The following ST6GALNAC5 variants were observed in gnomAD, a reference collection of about 807,000 sequenced individuals.
ST6GALNAC5 encodes alpha-N-acetylgalactosaminide alpha-2,6-sialyltransferase 5.
Under a neutral mutation model 33.6 loss-of-function variants are expected in ST6GALNAC5, and 27 were observed. That is an observed-to-expected ratio of 0.80 (90% confidence interval 0.59 to 1.11). The LOEUF is 1.11. ST6GALNAC5 is among the 50% of genes least tolerant of loss of function. The pLI is 0.00. For missense variants in ST6GALNAC5, 428 were observed against 454.0 expected, an observed-to-expected ratio of 0.94 and a Z score of 0.52; for synonymous variants, 194 against 171.2, an observed-to-expected ratio of 1.13 and a Z score of -1.04.
chr1:77,011,327 G>T (rs2100424001), intron 2 of ST6GALNAC5, among the ~76,000 whole-genome samples: 1 of 152,356 alleles, frequency 6.6e-6, no homozygotes, highest in East Asian at 1.9e-4. Context: ...CTGGAGTGGA[G>T]AATTGGGGAT....
intron 2 of ST6GALNAC5, among the ~76,000 whole-genome samples, chr1:76,920,170 T>C (rs1647016155): frequency 6.6e-6 from 1 of 152,122 alleles, no homozygotes; most frequent in Non-Finnish European, 1.5e-5. Context: ...GAAAGTGAAG[T>C]ATCTTAGAAC....
chr1:77,036,533 T>C (rs1040760156), intron 2 of ST6GALNAC5, among the ~76,000 whole-genome samples: 1 of 152,218 alleles, frequency 6.6e-6, no homozygotes, highest in African/African-American at 2.4e-5. Flanking sequence ...CTGAAGGTGG[T>C]TATGACATAT....
chr1:76,949,230 T>A (rs1215601434), intron 2 of ST6GALNAC5, among the ~76,000 whole-genome samples: 1 of 152,154 alleles, frequency 6.6e-6, no homozygotes, highest in Admixed American at 6.5e-5. Context: ...GCTCTTCTCA[T>A]GAGTGTTAAG....
At chr1:76,993,209 C>G (rs1649804842) in intron 2 of ST6GALNAC5, among the ~76,000 whole-genome samples, 1 of 152,218 alleles carries the variant, frequency 6.6e-6, no homozygotes. Flanking sequence ...GCTGCTCCTT[C>G]CTCTGATGTT....
chr1:76,879,947 A>G lies in ST6GALNAC5; in HGVS notation c.261+11205A>G, dbSNP rs560797210. Among the ~76,000 whole-genome samples the G allele has an allele frequency of 9.2e-5, 14 of 152,284 alleles. No individual in the cohort carries two copies. In the South Asian group the frequency reaches 2.5e-3, roughly 27 times the overall value. On this transcript the variant is annotated intron_variant, in intron 2 of 4. Transcript: ENST00000477717. ...TTGTTGCAAGTCAGCCACTTGCACG[A>G]TAAGAACTTGTGTCTGTTTTCCACA...
At chr1:76,964,842 A>G (rs12074721) in intron 2 of ST6GALNAC5, among the ~76,000 whole-genome samples, 14,206 of 152,092 alleles carry the variant, frequency 0.093, 1,546 homozygotes, top group African/African-American at 0.26. Flanking sequence ...CTACCTATGA[A>G]TGAGAACATG....
intron 2 of ST6GALNAC5, among the ~76,000 whole-genome samples, chr1:76,884,622 A>G (rs1481185193): frequency 6.6e-6 from 1 of 152,202 alleles, no homozygotes; most frequent in African/African-American, 2.4e-5. Flanking sequence ...ATACTAGAGT[A>G]AGAAATGACA....
At chr1:77,051,637 A>G (rs543013419) in intron 4 of ST6GALNAC5, among the ~76,000 whole-genome samples, 1 of 152,224 alleles carries the variant, frequency 6.6e-6, no homozygotes, top group Non-Finnish European at 1.5e-5. Flanking sequence ...GTACATGGCA[A>G]GCACAAGGCA....
intron 2 of ST6GALNAC5, among the ~76,000 whole-genome samples, chr1:76,987,107 T>C (rs1049065570): frequency 1.3e-5 from 2 of 152,164 alleles, no homozygotes; most frequent in African/African-American, 4.8e-5. Context: ...ACATGGCATG[T>C]GTATACCTAT....
Position 77,044,359 on chromosome 1 carries a change from C to A in ST6GALNAC5, c.417C>A (p.Thr139=). ...ATGGGCGTGACGTGGGCAATCGCAC[C>A]AGCCTGAGGGTCATCGCGCATTCCA... The part of the protein sequence containing the change: ...RGYGRDVGNR[T]SLRVIAHSSI... Residue 139 remains threonine (T), a synonymous_variant, in exon 3 of 5, where the codon ACC becomes ACA. Coordinates refer to ENST00000477717, the MANE Select transcript of ST6GALNAC5 (RefSeq NM_030965.3). 1 of 1,613,950 alleles carries A rather than the reference C, an allele frequency of 6.2e-7. No individual in the cohort carries two copies. The highest frequency in any genetic ancestry group is 2.2e-5 in the East Asian group (1 of 44,840).
chr1:76,983,650 A>C (rs1419311903), intron 2 of ST6GALNAC5, among the ~76,000 whole-genome samples: 1 of 152,232 alleles, frequency 6.6e-6, no homozygotes, highest in Non-Finnish European at 1.5e-5. Flanking sequence ...TCAGCTCTGC[A>C]CCAAGCAGAC....
At chr1:77,016,411 A>G (rs1650855375) in intron 2 of ST6GALNAC5, among the ~76,000 whole-genome samples, 1 of 151,714 alleles carries the variant, frequency 6.6e-6, no homozygotes, top group South Asian at 2.1e-4. Flanking sequence ...ACACATATTT[A>G]TGGAGTATGT....
At chr1:76,899,678 G>T (rs1385167209) in intron 2 of ST6GALNAC5, among the ~76,000 whole-genome samples, 1 of 152,180 alleles carries the variant, frequency 6.6e-6, no homozygotes, top group Non-Finnish European at 1.5e-5. Context: ...TGGGTCCACA[G>T]ATAAAAGTGT....
At chr1:76,880,693 A>C (rs1025396267) in intron 2 of ST6GALNAC5, among the ~76,000 whole-genome samples, 12 of 152,178 alleles carry the variant, frequency 7.9e-5, no homozygotes, top group Non-Finnish European at 1.6e-4. Context: ...CATCAGATTA[A>C]GGGTGGATCT....
intron 2 of ST6GALNAC5, among the ~76,000 whole-genome samples, chr1:76,921,417 G>T (rs1647033536): frequency 6.6e-6 from 1 of 152,154 alleles, no homozygotes; most frequent in South Asian, 2.1e-4. Flanking sequence ...ACAAAAAAAT[G>T]ATTCTTAAAA....
At chr1:77,052,769 A>G (rs1198948464) in intron 4 of ST6GALNAC5, among the ~76,000 whole-genome samples, 3 of 151,506 alleles carry the variant, frequency 2.0e-5, no homozygotes, top group African/African-American at 7.3e-5. Context: ...AAATACAAAA[A>G]TTAGCCAGGC....
chr1:76,874,396 C>A (rs1278300338), intron 2 of ST6GALNAC5, among the ~76,000 whole-genome samples: 1 of 152,084 alleles, frequency 6.6e-6, no homozygotes, highest in Admixed American at 6.6e-5. Context: ...TTGTACTAGT[C>A]AGGGTTCTGT....
At chr1:77,014,694 C>G (rs760907546) in intron 2 of ST6GALNAC5, among the ~76,000 whole-genome samples, 3 of 152,186 alleles carry the variant, frequency 2.0e-5, no homozygotes, top group African/African-American at 4.8e-5. Context: ...GCTTCCTCAC[C>G]TGCTTTGTTC....
intron 2 of ST6GALNAC5, among the ~76,000 whole-genome samples, chr1:77,008,874 A>G (rs12123266): frequency 0.19 from 29,532 of 152,174 alleles, 3,375 homozygotes; most frequent in African/African-American, 0.32. Flanking sequence ...CTACAGTTAC[A>G]TCACCACAAA....
Sources: gnomAD v4.1 joint callset for allele counts (sites outside exome capture counted in the v4.1 genomes callset) on GRCh38, gnomAD v4.1.1 for gene constraint, MANE v1.5 for transcripts, NCBI Gene and HGNC (gene_info 2026-07-23, HGNC 2026-07-21) for gene names.